Variants in SPEF2 observed in about 807,000 individuals in gnomAD.
SPEF2 encodes sperm flagella and cilia-associated protein 2.
Under a neutral mutation model 224.6 loss-of-function variants are expected in SPEF2, and 187 were observed. That is an observed-to-expected ratio of 0.83 (90% CI 0.74 to 0.94). SPEF2 has a LOEUF of 0.94. SPEF2 is among the 40% of genes least tolerant of loss of function. The pLI, the probability that SPEF2 is intolerant of heterozygous loss-of-function variation, is 0.00. For missense variants in SPEF2, 2,170 were observed against 2,135.6 expected (o/e 1.02, Z -0.32); for synonymous variants, 715 against 707.3 (o/e 1.01, Z -0.17).
At chr5:35,767,371 T>C (rs1454879282) in intron 26 of SPEF2, among the ~76,000 whole-genome samples, 1 of 152,212 alleles carries the variant, frequency 6.6e-6, no homozygotes, top group Middle Eastern at 3.4e-3. Context: ...TTTCATCTTC[T>C]CTGTGTCTTT....
chr5:35,808,881 C>CATATATATATATATATATAT (rs34389759), intron 36 of SPEF2, among the ~76,000 whole-genome samples: 5 of 143,326 alleles, frequency 3.5e-5, no homozygotes, highest in African/African-American at 7.7e-5. Flanking sequence ...TTGGGTTTTA[C>CATATATATATATATATATAT]ATATATATAT....
intron 1 of SPEF2, 43 bp downstream of exon 1, chr5:35,618,098 G>A: frequency 6.4e-7 from 1 of 1,555,558 alleles, no homozygotes; most frequent in South Asian, 1.2e-5. Context: ...GGGGCTAGCG[G>A]GGCGCAGAGC....
At chr5:35,787,722 G>C (rs1755359174) in intron 30 of SPEF2, 1 of 510,446 alleles carries the variant, frequency 2.0e-6, no homozygotes, top group East Asian at 3.0e-5. Context: ...ACTAGTTAAA[G>C]CACTTAACAG....
At chr5:35,717,795 G>A (rs933309720) in intron 20 of SPEF2, among the ~76,000 whole-genome samples, 1 of 152,112 alleles carries the variant, frequency 6.6e-6, no homozygotes, top group African/African-American at 2.4e-5. Flanking sequence ...TTTCTCCAGG[G>A]ACCCCCTGCC....
At chr5:35,753,489 A>C in intron 23 of SPEF2, 135 bp from the exon 24 acceptor site, 1 of 1,146,550 alleles carries the variant, frequency 8.7e-7, no homozygotes, top group Non-Finnish European at 1.3e-6. Flanking sequence ...GAGCACATAC[A>C]ATACAGGAGT....
intron 26 of SPEF2, among the ~76,000 whole-genome samples, chr5:35,766,688 T>C (rs1752137141): frequency 6.6e-6 from 1 of 151,906 alleles, no homozygotes; most frequent in Non-Finnish European, 1.5e-5. Context: ...TCTTTGGGTT[T>C]ACTTTGCCAT....
At position 35,708,933 on chromosome 5, in the gene SPEF2, A is replaced by G; in HGVS notation, c.2666-15A>G. ...GAGTCTCTAATGAAGGTCAATTCTTATCATCCTTTTGAAGTTGAGAAGAAA... is the reference window on the plus strand; with the variant it reads ...GAGTCTCTAATGAAGGTCAATTCTTGTCATCCTTTTGAAGTTGAGAAGAAA... On this transcript the variant is annotated splice_polypyrimidine_tract_variant and intron_variant, in intron 18 of 36. Transcript: ENST00000356031. The G allele has an allele frequency of 6.3e-7, 1 of 1,599,716 alleles. No individual in the cohort carries two copies. Among genetic ancestry groups the G allele is most frequent in the Non-Finnish European group, 8.5e-7 (1 of 1,175,636 alleles).
Position 35,770,025 on chromosome 5 carries a change from A to ATG in SPEF2, c.3802-1581_3802-1580dup, listed in dbSNP as rs1491271624. Among the ~76,000 whole-genome samples the ATG allele has an allele frequency of 6.4e-4, 60 of 93,838 alleles. No homozygotes were observed. The East Asian group carries it at 9.6e-3, about 15-fold the overall frequency. The allele number at this position is 93,838 out of a possible 152,430, so 61.6% of individuals were successfully genotyped here. On this transcript the variant is annotated intron_variant, in intron 26 of 36. Transcript: ENST00000356031. ...TGTGTGTGTGTGTGTGTGTGTGTGC[A>ATG]TGTGCGTGTGTGTGTGTGTGTGTGT...
At chr5:35,692,803 C>A in intron 12 of SPEF2, 79 bp downstream of exon 12, 1 of 1,407,006 alleles carries the variant, frequency 7.1e-7, no homozygotes, top group Non-Finnish European at 9.7e-7. Flanking sequence ...AAGGTCTTCT[C>A]TAGACCAGAA....
chr5:35,693,600 A>G (rs934941417), intron 12 of SPEF2, among the ~76,000 whole-genome samples: 1 of 152,176 alleles, frequency 6.6e-6, no homozygotes, highest in Admixed American at 6.5e-5. Flanking sequence ...CAGAGCACAC[A>G]GTAAAGACCC....
chr5:35,737,044 A>G (rs1450855698), intron 21 of SPEF2, among the ~76,000 whole-genome samples: 1 of 152,210 alleles, frequency 6.6e-6, no homozygotes. Context: ...GATCATACTG[A>G]TAAAGCTACA....
chr5:35,810,619 C>T (rs1218627764), intron 36 of SPEF2, among the ~76,000 whole-genome samples: 1 of 152,178 alleles, frequency 6.6e-6, no homozygotes. Context: ...TGGCAGAATA[C>T]CTAACATTTC....
intron 10 of SPEF2, among the ~76,000 whole-genome samples, chr5:35,674,447 T>G (rs1426721616): frequency 6.7e-6 from 1 of 150,338 alleles, no homozygotes. Context: ...TACATATGTA[T>G]ACATGTGCCA....
intron 1 of SPEF2, among the ~76,000 whole-genome samples, chr5:35,618,429 G>T (rs977376108): frequency 6.6e-6 from 1 of 152,184 alleles, no homozygotes; most frequent in Non-Finnish European, 1.5e-5. Context: ...GGACTTTGTA[G>T]TCTGACCCCA....
chr5:35,712,922 T>G (rs1741468393), intron 20 of SPEF2, 36 bp downstream of exon 20: 1 of 1,565,484 alleles, frequency 6.4e-7, no homozygotes, highest in Admixed American at 1.7e-5. Flanking sequence ...TTACATGTAA[T>G]TCTGCATTTT....
At chr5:35,671,289 A>G in intron 10 of SPEF2, 1 of 970,664 alleles carries the variant, frequency 1.0e-6, no homozygotes. Flanking sequence ...CAAGAAGATA[A>G]CCTTGTGGTT....
intron 24 of SPEF2, among the ~76,000 whole-genome samples, chr5:35,754,217 A>G (rs1422805406): frequency 3.9e-5 from 6 of 152,210 alleles, no homozygotes. Flanking sequence ...ACCATAATCA[A>G]TGCAACCCGA....
intron 1 of SPEF2, among the ~76,000 whole-genome samples, chr5:35,622,341 ATTTT>A (rs1743644353): frequency 1.3e-5 from 2 of 152,182 alleles, no homozygotes; most frequent in Admixed American, 1.3e-4. Flanking sequence ...ATCATAGTTT[ATTTT>A]AAGAAAACAT....
rs70973054 is a variant in SPEF2, at chr5:35,715,816, C to CCTTTTTTTTTTTTTTTTTTTTTTTTT, written c.2914+2930_2914+2931insCTTTTTTTTTTTTTTTTTTTTTTTTT. ...TCTGTGAAATAGGGGGATATAATTT[C>CCTTTTTTTTTTTTTTTTTTTTTTTTT]TTTTTTTTTTTTTTTTTGAGACAGA... On this transcript the variant is annotated intron_variant, in intron 20 of 36. Transcript: ENST00000356031. Among the ~76,000 whole-genome samples, 3 of 117,936 alleles carry CCTTTTTTTTTTTTTTTTTTTTTTTTT rather than the reference C, an allele frequency of 2.5e-5. 1 individual carries two copies. The highest frequency in any genetic ancestry group is 6.4e-5 in the African/African-American group (2 of 31,360). The allele number at this position is 117,936 out of a possible 152,430, so 77.4% of individuals were successfully genotyped here. A position where few individuals can be genotyped will look rare whatever the true frequency, so the allele number is the denominator to read the frequency against.
Sources: gnomAD v4.1 joint callset for allele counts (sites outside exome capture counted in the v4.1 genomes callset) on GRCh38, gnomAD v4.1.1 for gene constraint, MANE v1.5 for transcripts, NCBI Gene and HGNC (gene_info 2026-07-23, HGNC 2026-07-21) for gene names.